The following DEF8 variants were observed in gnomAD, a reference collection of about 807,000 sequenced individuals.
DEF8 encodes differentially expressed in FDCP 8 homolog.
A neutral mutation model predicts 59.1 loss-of-function variants in DEF8; 38 were observed. The ratio of observed to expected loss-of-function variants is 0.64; its 90% confidence interval spans 0.50 to 0.84. The LOEUF is 0.84. Among genes scored for constraint, DEF8 ranks in the 40% least tolerant of loss-of-function variants. DEF8 has a pLI of 0.00. For synonymous variants in DEF8, 265 were observed against 250.1 expected, an observed-to-expected ratio of 1.06 and a Z score of -0.56; for missense variants, 557 against 615.2, an observed-to-expected ratio of 0.91 and a Z score of 1.00.
intron 6 of DEF8, 21 bp from the exon 7 acceptor site, chr16:89,960,910 G>C (rs767366365): frequency 1.9e-6 from 3 of 1,607,122 alleles, no homozygotes; most frequent in East Asian, 4.5e-5. Flanking sequence ...CTTTTGAGAA[G>C]TGTGTGTCCC....
chr16:89,966,010 C>T lies in DEF8; in HGVS notation c.*47C>T. 1 of 1,440,274 alleles carries T rather than the reference C, an allele frequency of 6.9e-7. No individual in the cohort carries two copies. The highest frequency in any genetic ancestry group is 9.7e-7 in the Non-Finnish European group (1 of 1,032,486). 89.2% of individuals were successfully genotyped at this position (1,440,274 alleles called of 1,614,324 possible). On this transcript the variant is annotated 3_prime_UTR_variant, in exon 13 of 13. Transcript: ENST00000563594. ...ACCCCGCCTGGCCCGCCAGGACCCA[C>T]CCTGCCAACATCAAGTTGTTCCTTC...
chr16:89,961,209 G>A, intron 7 of DEF8, 114 bp downstream of exon 7: 2 of 1,362,272 alleles, frequency 1.5e-6, no homozygotes, highest in Non-Finnish European at 1.0e-6. Context: ...CTGGGGCAGT[G>A]CCTGCTTGAT....
chr16:89,964,428 G>C, intron 11 of DEF8, 38 bp from the exon 12 acceptor site: 4 of 1,557,220 alleles, frequency 2.6e-6, no homozygotes, highest in Non-Finnish European at 3.5e-6. Flanking sequence ...AGCTGGCACT[G>C]ACGTGCCCGT....
chr16:89,959,480 G>C, intron 6 of DEF8: 1 of 618,006 alleles, frequency 1.6e-6, no homozygotes. Context: ...TTTGTTTTTT[G>C]TTTTTGTTTG....
chr16:89,955,157 G>C lies in DEF8; in HGVS notation c.125-12G>C, dbSNP rs140183905. On this transcript the variant is annotated splice_polypyrimidine_tract_variant and intron_variant, in intron 3 of 12. Coordinates refer to ENST00000563594, the MANE Select transcript of DEF8 (RefSeq NM_001242818.2). ...CAGCTGACGCTCCACACCTGTCCCC[G>C]TCTTCCTCCAGAGGCCCTGCCTGAG... is the stretch of plus-strand genomic sequence containing the variant. 6.2e-7 allele frequency: 1 copy of C among 1,608,712 alleles called. No individual in the cohort carries two copies. Among genetic ancestry groups the C allele is most frequent in the Non-Finnish European group, 8.5e-7 (1 of 1,176,564 alleles).
chr16:89,951,825 TAC>T (rs1291298839), intron 2 of DEF8, among the ~76,000 whole-genome samples: 2 of 151,988 alleles, frequency 1.3e-5, no homozygotes, highest in Non-Finnish European at 2.9e-5. Flanking sequence ...TATGTATGTA[TAC>T]ACACACACAC....
chr16:89,957,693 C>T, intron 5 of DEF8, 33 bp downstream of exon 5: 1 of 1,517,544 alleles, frequency 6.6e-7, no homozygotes, highest in South Asian at 1.3e-5. Flanking sequence ...GTGGGGCAGC[C>T]TGGGGCCGAG....
In DEF8 at chr16:89,961,721, C is replaced by T. The variant is rs1446554390; in HGVS notation, c.680-16C>T. ...TTTGTGAGGCAGGGACACTCAGGGCCCCTCTGACCCTGCAGGGGGTGTGCC... is the reference window on the plus strand; with the variant it reads ...TTTGTGAGGCAGGGACACTCAGGGCTCCTCTGACCCTGCAGGGGGTGTGCC... On this transcript the variant is annotated splice_polypyrimidine_tract_variant and intron_variant, in intron 7 of 12. Coordinates refer to ENST00000563594, the MANE Select transcript of DEF8 (RefSeq NM_001242818.2). The T allele has an allele frequency of 1.9e-6, 3 of 1,612,330 alleles. No individual in the cohort carries two copies. The African/African-American group carries it at 4.0e-5, about 22-fold the overall frequency.
Position 89,961,859 on chromosome 16 carries a change from C to T in DEF8, c.802C>T (p.Arg268Ter), listed in dbSNP as rs1404147424. ...TGTACACAACTGGGACTTTGAGCCTCGAAAGGTGGGGGTTGGAAGGTGGGG... is the reference window on the plus strand; with the variant it reads ...TGTACACAACTGGGACTTTGAGCCTTGAAAGGTGGGGGTTGGAAGGTGGGG... ...RVVHNWDFEP[R>*]KVSRCSMRYL... The change falls in exon 8 of 13, where the codon CGA becomes TGA. Residue 268 changes from arginine to a stop codon, truncating the protein, a stop_gained. Transcript: ENST00000563594. LOFTEE classifies it high-confidence loss of function. The T allele has an allele frequency of 3.8e-6, 6 of 1,596,296 alleles. No homozygotes were observed. Among genetic ancestry groups the T allele is most frequent in the Non-Finnish European group, 4.3e-6 (5 of 1,169,004 alleles).
chr16:89,959,658 C>G (rs1014072680), intron 6 of DEF8, among the ~76,000 whole-genome samples: 3 of 152,148 alleles, frequency 2.0e-5, no homozygotes, highest in Admixed American at 1.3e-4. Context: ...CCACGCCCGG[C>G]TAATTTTTTG....
intron 4 of DEF8, 110 bp from the exon 5 acceptor site, chr16:89,957,401 T>G: frequency 8.0e-7 from 1 of 1,242,378 alleles, no homozygotes; most frequent in Non-Finnish European, 1.1e-6. Context: ...AGTTTCCTTC[T>G]CTGGGTGAGG....
intron 11 of DEF8, 74 bp downstream of exon 11, chr16:89,964,384 C>G (rs2034414876): frequency 6.5e-7 from 1 of 1,544,478 alleles, no homozygotes; most frequent in African/African-American, 1.4e-5. Flanking sequence ...AGCAGCCCAG[C>G]CCAGTGTGTC....
At chr16:89,963,289 C>A in intron 9 of DEF8, 74 bp from the exon 10 acceptor site, 1 of 1,349,896 alleles carries the variant, frequency 7.4e-7, no homozygotes. Context: ...GCCGTGGCCC[C>A]GGGTGTGCGG....
At chr16:89,951,519 A>T (rs892528043) in intron 2 of DEF8, among the ~76,000 whole-genome samples, 1 of 152,192 alleles carries the variant, frequency 6.6e-6, no homozygotes, top group Non-Finnish European at 1.5e-5. Context: ...TGCTGGGATT[A>T]CAGGCGTGAG....
At position 89,964,242 on chromosome 16, in the gene DEF8, G is replaced by A. The variant is rs146694377; in HGVS notation, c.1075G>A (p.Gly359Ser). ...SVQDLLDVHAGRLGCSLTEIH... is the reference protein window; with the variant it reads ...SVQDLLDVHASRLGCSLTEIH... The stretch of plus-strand genomic sequence containing the variant: ...CCAGGACCTCCTGGACGTGCATGCC[G>A]GCCGCCTGGGCTGCTCGCTCACCGA... The change falls in exon 11 of 13, where the codon GGC (glycine) becomes AGC (serine). Residue 359 changes from glycine (G) to serine (S), a missense_variant. Transcript: ENST00000563594. 10 of 1,549,790 alleles carry A rather than the reference G, an allele frequency of 6.5e-6. No homozygotes were observed. The East Asian group carries it at 9.3e-5, about 14-fold the overall frequency.
intron 6 of DEF8, among the ~76,000 whole-genome samples, chr16:89,959,854 T>A (rs1358811099): frequency 1.3e-5 from 2 of 152,226 alleles, no homozygotes; most frequent in African/African-American, 4.8e-5. Flanking sequence ...CAAGACAATA[T>A]GTCTGGAGGA....
intron 12 of DEF8, 55 bp downstream of exon 12, chr16:89,964,630 G>A (rs2151221730): frequency 7.1e-7 from 1 of 1,401,852 alleles, no homozygotes; most frequent in Non-Finnish European, 9.8e-7. Context: ...CTGTCCTCTG[G>A]GGAGCTGCCC....
At chr16:89,964,602 G>A (rs1344866621) in intron 12 of DEF8, 27 bp downstream of exon 12, 17 of 1,518,666 alleles carry the variant, frequency 1.1e-5, no homozygotes, top group Admixed American at 9.8e-5. Context: ...CCCCGCACTC[G>A]GGGGCTGGGG....
In DEF8 at chr16:89,961,622, C is replaced by G. The variant is rs1053676586; in HGVS notation, c.680-115C>G. ...TGAGGTCTTCCGGCTGAGGATAGGACATGTTCCCATGTCTCCCCGAGGGCT... is the reference window on the plus strand; with the variant it reads ...TGAGGTCTTCCGGCTGAGGATAGGAGATGTTCCCATGTCTCCCCGAGGGCT... On this transcript the variant is annotated intron_variant, in intron 7 of 12. Transcript: ENST00000563594. 6.8e-6 allele frequency: 9 copies of G among 1,330,280 alleles called. No homozygotes were observed. In the African/African-American group the frequency reaches 1.3e-4, roughly 19 times the overall value. 82.4% of individuals were successfully genotyped at this position (1,330,280 alleles called of 1,614,324 possible).
Sources: gnomAD v4.1 joint callset for allele counts (sites outside exome capture counted in the v4.1 genomes callset) on GRCh38, gnomAD v4.1.1 for gene constraint, MANE v1.5 for transcripts, NCBI Gene and HGNC (gene_info 2026-07-23, HGNC 2026-07-21) for gene names.